Variants in SLC24A4 observed in about 807,000 individuals in gnomAD.
The protein encoded by SLC24A4 is sodium/potassium/calcium exchanger 4.
SLC24A4 carries 53 observed loss-of-function variants against 79.0 expected under a neutral mutation model. The observed-to-expected ratio is 0.67, with a 90% CI of 0.54 to 0.84. The LOEUF is 0.84. Among genes scored for constraint, SLC24A4 ranks in the 40% least tolerant of loss-of-function variants. SLC24A4 has a pLI of 0.00. For synonymous variants in SLC24A4, 323 were observed against 323.8 expected, an observed-to-expected ratio of 1.00 and a Z score of 0.03; for missense variants, 731 against 822.0, an observed-to-expected ratio of 0.89 and a Z score of 1.35.
intron 2 of SLC24A4, among the ~76,000 whole-genome samples, chr14:92,401,452 A>C (rs563355964): frequency 6.6e-6 from 1 of 152,300 alleles, no homozygotes; most frequent in African/African-American, 2.4e-5. Flanking sequence ...TGTGGAGATG[A>C]ACAGAGAAAC....
chr14:92,343,084 C>T lies in SLC24A4; in HGVS notation c.241+17106C>T, dbSNP rs913367023. 7.2e-5 allele frequency among the ~76,000 whole-genome samples: 11 copies of T among 152,302 alleles called. No homozygotes were observed. The South Asian group carries it at 8.3e-4, about 11-fold the overall frequency. On this transcript the variant is annotated intron_variant, in intron 2 of 16. Coordinates refer to ENST00000532405, the MANE Select transcript of SLC24A4 (RefSeq NM_153646.4). Reference sequence around the variant, plus strand: ...ACCTTTGGCTGTGCAGCCGCCTGTCCGAGACAGCTGCCTGGGAACTCTGCA... The same window carrying T: ...ACCTTTGGCTGTGCAGCCGCCTGTCTGAGACAGCTGCCTGGGAACTCTGCA...
intron 2 of SLC24A4, among the ~76,000 whole-genome samples, chr14:92,363,689 G>A (rs1887659464): frequency 6.6e-6 from 1 of 152,144 alleles, no homozygotes; most frequent in African/African-American, 2.4e-5. Flanking sequence ...AATTAGTGGG[G>A]CATGGTGGCA....
At chr14:92,485,746 T>A (rs1895318502) in intron 13 of SLC24A4, among the ~76,000 whole-genome samples, 2 of 152,178 alleles carry the variant, frequency 1.3e-5, no homozygotes, top group African/African-American at 4.8e-5. Flanking sequence ...GAAATTCTTC[T>A]CTAGTTACAG....
intron 2 of SLC24A4, among the ~76,000 whole-genome samples, chr14:92,367,434 C>G (rs1887912269): frequency 1.3e-5 from 2 of 152,238 alleles, no homozygotes; most frequent in Non-Finnish European, 2.9e-5. Flanking sequence ...TGTTCCAGCT[C>G]ACATATGTTA....
At chr14:92,399,476 T>A (rs1566739803) in intron 2 of SLC24A4, among the ~76,000 whole-genome samples, 1 of 152,232 alleles carries the variant, frequency 6.6e-6, no homozygotes, top group Non-Finnish European at 1.5e-5. Flanking sequence ...ATCATATCAC[T>A]GTTACTTTCC....
intron 2 of SLC24A4, among the ~76,000 whole-genome samples, chr14:92,407,826 G>T (rs984433723): frequency 1.3e-5 from 2 of 151,118 alleles, no homozygotes; most frequent in Admixed American, 6.6e-5. Context: ...CATATCACAG[G>T]GTGATCAGAT....
At chr14:92,393,543 C>T (rs1180310490) in intron 2 of SLC24A4, among the ~76,000 whole-genome samples, 3 of 111,306 alleles carry the variant, frequency 2.7e-5, no homozygotes, top group Non-Finnish European at 5.5e-5. Flanking sequence ...AGAAGACACA[C>T]TCTTTTTTTT....
chr14:92,349,164 A>G (rs1886719948), intron 2 of SLC24A4, among the ~76,000 whole-genome samples: 1 of 144,200 alleles, frequency 6.9e-6, no homozygotes, highest in Admixed American at 6.9e-5. Context: ...TGACTGGAAG[A>G]TTTTTTTTTT....
At chr14:92,489,915 G>T (rs1358672027) in intron 14 of SLC24A4, among the ~76,000 whole-genome samples, 1 of 152,130 alleles carries the variant, frequency 6.6e-6, no homozygotes, top group Non-Finnish European at 1.5e-5. Context: ...GCATGTTCCC[G>T]CATCTTACCG....
intron 3 of SLC24A4, among the ~76,000 whole-genome samples, chr14:92,437,623 A>G (rs958434246): frequency 6.6e-6 from 1 of 152,236 alleles, no homozygotes; most frequent in African/African-American, 2.4e-5. Context: ...TCTTTACTCC[A>G]TGAACCTCTG....
intron 2 of SLC24A4, among the ~76,000 whole-genome samples, chr14:92,361,368 G>A (rs1887511595): frequency 6.6e-6 from 1 of 151,934 alleles, no homozygotes; most frequent in African/African-American, 2.4e-5. Flanking sequence ...TGGGAAGGGA[G>A]GGGCTTGGGA....
chr14:92,384,931 C>T (rs1043036449), intron 2 of SLC24A4, among the ~76,000 whole-genome samples: 1 of 152,180 alleles, frequency 6.6e-6, no homozygotes, highest in African/African-American at 2.4e-5. Context: ...TGTGTGATTT[C>T]AGATGAGTGA....
At chr14:92,394,375 T>G (rs973005339) in intron 2 of SLC24A4, among the ~76,000 whole-genome samples, 1 of 151,964 alleles carries the variant, frequency 6.6e-6, no homozygotes, top group Non-Finnish European at 1.5e-5. Flanking sequence ...GCAGGAGGAT[T>G]ACTTGAGGCC....
intron 2 of SLC24A4, among the ~76,000 whole-genome samples, chr14:92,327,345 G>A (rs1291223399): frequency 1.3e-5 from 2 of 152,164 alleles, no homozygotes; most frequent in East Asian, 3.9e-4. Flanking sequence ...CCCAGCAGGC[G>A]GGGTGCTCAT....
At chr14:92,360,446 A>G (rs1887443413) in intron 2 of SLC24A4, among the ~76,000 whole-genome samples, 1 of 152,200 alleles carries the variant, frequency 6.6e-6, no homozygotes, top group Non-Finnish European at 1.5e-5. Flanking sequence ...TCCAGTTTTC[A>G]TTGTAGCTAT....
At chr14:92,474,669 A>ATATATACGTGTGTG (rs1894617432) in intron 12 of SLC24A4, among the ~76,000 whole-genome samples, 1 of 2,120 alleles carries the variant, frequency 4.7e-4, no homozygotes, top group African/African-American at 5.7e-4. Context: ...GTGTGTGTGT[A>ATATATACGTGTGTG]TATATATATA....
Position 92,359,398 on chromosome 14 carries a change from A to C in SLC24A4, c.241+33420A>C, listed in dbSNP as rs569108106. ...AGACCAGTCTGGCCAACATGGTGAAACCCTATCTCTACTAAAAATAAAAAA... is the reference window on the plus strand; with the variant it reads ...AGACCAGTCTGGCCAACATGGTGAACCCCTATCTCTACTAAAAATAAAAAA... On this transcript the variant is annotated intron_variant, in intron 2 of 16. Transcript: ENST00000532405. Among the ~76,000 whole-genome samples, 501 of 152,244 alleles carry C rather than the reference A, an allele frequency of 3.3e-3. 1 individual carries two copies. The highest frequency in any genetic ancestry group is 0.011 in the African/African-American group (477 of 41,560).
chr14:92,454,529 A>G (rs1013411093), intron 11 of SLC24A4, among the ~76,000 whole-genome samples: 2 of 152,198 alleles, frequency 1.3e-5, no homozygotes, highest in Non-Finnish European at 2.9e-5. Context: ...TTGCAGAGAT[A>G]ATGATTTTAA....
At chr14:92,454,238 A>C (rs960143541) in intron 11 of SLC24A4, among the ~76,000 whole-genome samples, 169 bp downstream of exon 11, 1 of 152,210 alleles carries the variant, frequency 6.6e-6, no homozygotes, top group Non-Finnish European at 1.5e-5. Context: ...TCCTTTGAAG[A>C]GATATTTTAA....
Sources: allele counts gnomAD v4.1 joint callset (sites outside exome capture counted in the v4.1 genomes callset), GRCh38; gene constraint gnomAD v4.1.1; transcripts MANE v1.5; gene names NCBI Gene and HGNC (gene_info 2026-07-23, HGNC 2026-07-21).